The following DENND1A variants were observed in gnomAD, a reference collection of about 807,000 sequenced individuals.
DENND1A encodes the protein DENN domain containing 1A, also known as DENN domain-containing protein 1A.
DENND1A carries 51 observed loss-of-function variants against 113.7 expected under a neutral mutation model. The observed-to-expected ratio is 0.45, with a 90% CI of 0.36 to 0.57. The LOEUF (loss-of-function observed/expected upper bound fraction) is 0.57. Ranked by LOEUF, DENND1A falls within the 20% of genes least tolerant of loss-of-function variation. The pLI is 0.00. For synonymous variants in DENND1A, 565 were observed against 570.8 expected (o/e 0.99, Z 0.14); for missense variants, 1,258 against 1,395.9 (o/e 0.90, Z 1.57).
At chr9:123,838,527 T>C (rs2132912912) in intron 2 of DENND1A, among the ~76,000 whole-genome samples, 1 of 152,274 alleles carries the variant, frequency 6.6e-6, no homozygotes, top group South Asian at 2.1e-4. Flanking sequence ...AACTGAATCC[T>C]TAGAAAACTG....
intron 13 of DENND1A, 52 bp from the exon 14 acceptor site, chr9:123,457,949 C>A: frequency 7.3e-7 from 1 of 1,371,230 alleles, no homozygotes. Flanking sequence ...CAAGAGCCAT[C>A]AGTTTTGAAA....
intron 13 of DENND1A, among the ~76,000 whole-genome samples, chr9:123,542,262 T>C (rs1298337052): frequency 6.6e-6 from 1 of 152,164 alleles, no homozygotes; most frequent in Non-Finnish European, 1.5e-5. Flanking sequence ...TCTATGAAGG[T>C]ATCGTTTAAG....
intron 13 of DENND1A, among the ~76,000 whole-genome samples, chr9:123,533,493 G>A (rs1188899817): frequency 6.6e-6 from 1 of 152,218 alleles, no homozygotes. Context: ...AGAGCCCAGA[G>A]CTCACCTGCC....
chr9:123,918,138 T>G lies in DENND1A; in HGVS notation c.17+11751A>C, dbSNP rs183425724. ...CAAAAAAAATAAATAAATAAATAAA[T>G]AAAAGAAAAGAAACTACTGGGATCC... On this transcript the variant is annotated intron_variant, in intron 1 of 23. Coordinates refer to ENST00000394215, the MANE Select transcript of DENND1A (RefSeq NM_001352964.2). Among the ~76,000 whole-genome samples, 470 of 148,374 alleles carry G rather than the reference T, an allele frequency of 3.2e-3. 1 individual carries two copies. Among genetic ancestry groups the G allele is most frequent in the African/African-American group, 0.011 (424 of 40,204 alleles).
chr9:123,680,907 C>T (rs892821609), intron 5 of DENND1A, among the ~76,000 whole-genome samples: 3 of 152,124 alleles, frequency 2.0e-5, no homozygotes, highest in Admixed American at 1.3e-4. Flanking sequence ...AAGGCAGCAA[C>T]CACCTGGGAG....
chr9:123,744,110 T>C (rs1415156636), intron 5 of DENND1A, among the ~76,000 whole-genome samples: 1 of 152,346 alleles, frequency 6.6e-6, no homozygotes, highest in East Asian at 1.9e-4. Context: ...AATATTTGGA[T>C]TGGGCTTGAT....
intron 18 of DENND1A, 133 bp downstream of exon 18, chr9:123,450,560 A>C: frequency 9.9e-6 from 6 of 605,422 alleles, no homozygotes; most frequent in Non-Finnish European, 1.7e-5. Flanking sequence ...AAACTCCCGG[A>C]CAGCTGGTAA....
intron 4 of DENND1A, 34 bp from the exon 5 acceptor site, chr9:123,757,856 TG>T: frequency 1.2e-6 from 2 of 1,607,044 alleles, no homozygotes; most frequent in Non-Finnish European, 1.7e-6. Flanking sequence ...GGAAAATGAA[TG>T]TGCAGTAAGT....
At chr9:123,725,691 C>T (rs1420343204) in intron 5 of DENND1A, among the ~76,000 whole-genome samples, 1 of 152,254 alleles carries the variant, frequency 6.6e-6, no homozygotes, top group African/African-American at 2.4e-5. Context: ...CTGTGCCAAA[C>T]AGACTGTACG....
intron 2 of DENND1A, among the ~76,000 whole-genome samples, chr9:123,857,521 A>G (rs1046879337): frequency 2.6e-5 from 4 of 152,256 alleles, no homozygotes; most frequent in African/African-American, 7.2e-5. Flanking sequence ...CAAGCCTGGC[A>G]AAGACTACTT....
At chr9:123,427,616 G>C (rs993434020) in intron 19 of DENND1A, among the ~76,000 whole-genome samples, 1 of 152,170 alleles carries the variant, frequency 6.6e-6, no homozygotes. Context: ...GGTATGAACC[G>C]TTCTCTGCTG....
intron 2 of DENND1A, among the ~76,000 whole-genome samples, chr9:123,803,035 A>C (rs759465786): frequency 1.3e-5 from 2 of 152,152 alleles, no homozygotes; most frequent in African/African-American, 4.8e-5. Flanking sequence ...TCAGGTCTAC[A>C]TGATTCTCCT....
chr9:123,710,614 ATGT>A (rs1323661507), intron 5 of DENND1A, among the ~76,000 whole-genome samples: 1 of 151,750 alleles, frequency 6.6e-6, no homozygotes, highest in Non-Finnish European at 1.5e-5. Flanking sequence ...TAATTTTTAA[ATGT>A]TGTTAGGGAC....
intron 5 of DENND1A, among the ~76,000 whole-genome samples, chr9:123,677,268 G>C (rs1365438982): frequency 6.6e-6 from 1 of 152,138 alleles, no homozygotes; most frequent in Non-Finnish European, 1.5e-5. Context: ...TGCTGCAACA[G>C]ACATTCTACC....
intron 3 of DENND1A, among the ~76,000 whole-genome samples, chr9:123,772,764 G>A (rs1451698042): frequency 6.6e-6 from 1 of 152,036 alleles, no homozygotes; most frequent in African/African-American, 2.4e-5. Context: ...TAAAGTGCAG[G>A]GCATGAACTA....
At chr9:123,739,349 A>G (rs2068813665) in intron 5 of DENND1A, among the ~76,000 whole-genome samples, 2 of 146,346 alleles carry the variant, frequency 1.4e-5, no homozygotes, top group South Asian at 4.3e-4. Context: ...CTAAGTTTCC[A>G]GAGTCCTGAT....
intron 12 of DENND1A, among the ~76,000 whole-genome samples, chr9:123,574,670 T>C (rs2058540369): frequency 6.6e-6 from 1 of 152,160 alleles, no homozygotes; most frequent in Admixed American, 6.5e-5. Flanking sequence ...TCTTAGTTTG[T>C]TTCTGGTTGG....
chr9:123,479,453 T>A (rs2050165006), intron 13 of DENND1A, among the ~76,000 whole-genome samples: 1 of 152,206 alleles, frequency 6.6e-6, no homozygotes, highest in South Asian at 2.1e-4. Context: ...CCTTTCGGCT[T>A]TTCAGGTGGC....
chr9:123,603,894 A>T (rs368310720), intron 11 of DENND1A, among the ~76,000 whole-genome samples: 43 of 152,286 alleles, frequency 2.8e-4, no homozygotes, highest in African/African-American at 7.5e-4. Context: ...TTTTATGTAC[A>T]TGTTTTTGAT....
Sources: gnomAD v4.1 joint callset for allele counts (sites outside exome capture counted in the v4.1 genomes callset) on GRCh38, gnomAD v4.1.1 for gene constraint, MANE v1.5 for transcripts, NCBI Gene and HGNC (gene_info 2026-07-23, HGNC 2026-07-21) for gene names.